The following XRCC6 variants were observed in gnomAD, a reference collection of about 807,000 sequenced individuals.
XRCC6 encodes X-ray repair cross complementing 6, also known as DNA repair protein Ku70.
In XRCC6, 5 loss-of-function variants were observed where a neutral mutation model predicts 65.7. The observed-to-expected ratio is 0.08, with a 90% CI of 0.04 to 0.16. The LOEUF (loss-of-function observed/expected upper bound fraction) is 0.16. XRCC6 is among the 10% of genes least tolerant of loss of function. The probability of loss-of-function intolerance (pLI) is 1.00; values close to 1 mark genes in which losing one functional copy is unlikely to be tolerated. For synonymous variants in XRCC6, 270 were observed against 270.6 expected (o/e 1.00, Z 0.02); for missense variants, 447 against 738.1 (o/e 0.61, Z 4.57).
intron 6 of XRCC6, 36 bp from the exon 7 acceptor site, chr22:41,646,860 T>TA: frequency 6.5e-7 from 1 of 1,537,506 alleles, no homozygotes; most frequent in Non-Finnish European, 8.8e-7. Context: ...AAGTGCAGTT[T>TA]TTCAGTTCAT....
intron 9 of XRCC6, 28 bp downstream of exon 9, chr22:41,653,718 T>A (rs2068021353): frequency 2.5e-6 from 4 of 1,607,486 alleles, no homozygotes; most frequent in Non-Finnish European, 3.4e-6. Flanking sequence ...TTCCAGGGCT[T>A]CTGAACCTTG....
At chr22:41,627,894 T>C (rs953053921) in intron 2 of XRCC6, among the ~76,000 whole-genome samples, 2 of 151,740 alleles carry the variant, frequency 1.3e-5, no homozygotes, top group Non-Finnish European at 2.9e-5. Context: ...AGTCAGGATA[T>C]TGACTTTTTT....
chr22:41,628,306 C>T (rs1219110338), intron 3 of XRCC6, 76 bp downstream of exon 3: 2 of 1,286,368 alleles, frequency 1.6e-6, no homozygotes, highest in Non-Finnish European at 1.1e-6. Flanking sequence ...TGCCTGTAAT[C>T]TCAGGACATT....
At chr22:41,657,200 T>TA (rs1341806624) in intron 10 of XRCC6, among the ~76,000 whole-genome samples, 168 bp downstream of exon 10, 1 of 152,208 alleles carries the variant, frequency 6.6e-6, no homozygotes, top group African/African-American at 2.4e-5. Context: ...AACCTTTTAT[T>TA]ATGTTGGAGA....
intron 11 of XRCC6, 123 bp downstream of exon 11, chr22:41,658,475 C>T: frequency 2.2e-6 from 2 of 897,382 alleles, no homozygotes; most frequent in Non-Finnish European, 3.5e-6. Context: ...CCCCAGACCC[C>T]CTCTGTTTGG....
rs1218396338 is a variant in XRCC6 at position 41,628,143 on chromosome 22, T to G, written c.108T>G (p.Asp36Glu). The G allele has an allele frequency of 1.9e-6, 3 of 1,613,414 alleles. No homozygotes were observed. The highest frequency in any genetic ancestry group is 2.5e-6 in the Non-Finnish European group (3 of 1,179,628). ...GAGACTATAAATATTCAGGAAGAGA[T>G]AGTTTGATTTTTTTGGTTGATGCCT... is the stretch of plus-strand genomic sequence containing the variant. ...ASGDYKYSGR[D>E]SLIFLVDASK... Residue 36 changes from aspartate to glutamate, a missense_variant, in exon 3 of 13, where the codon GAT becomes GAG. Coordinates refer to ENST00000360079, the MANE Select transcript of XRCC6 (RefSeq NM_001469.5).
At chr22:41,657,674 CACACCTGGCTAATTTTTGTATTTTTT>C (rs1260415185) in intron 10 of XRCC6, among the ~76,000 whole-genome samples, 1 of 151,870 alleles carries the variant, frequency 6.6e-6, no homozygotes, top group Non-Finnish European at 1.5e-5. Context: ...CTTGCACCAC[CACACCTGGCTAATTTTTGTATTTTTT>C]GTAGGGACGG....
chr22:41,662,842 G>A (rs132786), intron 12 of XRCC6, among the ~76,000 whole-genome samples: 106,394 of 151,918 alleles, frequency 0.7, 38,896 homozygotes, highest in East Asian at 0.92. Context: ...CAGCACTTTG[G>A]GAGCCTGAGG....
chr22:41,635,696 G>A (rs1682968744), intron 3 of XRCC6, among the ~76,000 whole-genome samples: 1 of 120,378 alleles, frequency 8.3e-6, no homozygotes, highest in African/African-American at 2.8e-5. Flanking sequence ...GCCATGCCCA[G>A]CTAATTTTTT....
intron 7 of XRCC6, among the ~76,000 whole-genome samples, chr22:41,647,773 A>G (rs901239896): frequency 2.8e-4 from 43 of 151,944 alleles, no homozygotes; most frequent in Admixed American, 1.4e-3. Context: ...AGGTCTCACT[A>G]TGTTGCTCAG....
chr22:41,636,289 T>C (rs1459725735), intron 4 of XRCC6, 38 bp downstream of exon 4: 4 of 1,559,936 alleles, frequency 2.6e-6, no homozygotes, highest in Non-Finnish European at 3.5e-6. Flanking sequence ...CCCTTATATA[T>C]GAGAATATCA....
Position 41,663,891 on chromosome 22 carries a change from T to C in XRCC6, c.*76T>C. ...GCCTTGTCCTCAGCCAGTTAAAATGTGTTTCTCCTGAGCTAGGAAGAGTCT... is the reference window on the plus strand; with the variant it reads ...GCCTTGTCCTCAGCCAGTTAAAATGCGTTTCTCCTGAGCTAGGAAGAGTCT... On this transcript the variant is annotated 3_prime_UTR_variant, in exon 13 of 13. Coordinates refer to ENST00000360079, the MANE Select transcript of XRCC6 (RefSeq NM_001469.5). 1 of 1,496,110 alleles carries C rather than the reference T, an allele frequency of 6.7e-7. No individual in the cohort carries two copies. The highest frequency in any genetic ancestry group is 9.1e-7 in the Non-Finnish European group (1 of 1,102,136). 92.7% of individuals were successfully genotyped at this position (1,496,110 alleles called of 1,614,324 possible). A position where few individuals can be genotyped will look rare whatever the true frequency, so the allele number is the denominator to read the frequency against.
At chr22:41,652,303 T>C (rs2147107984) in intron 8 of XRCC6, among the ~76,000 whole-genome samples, 1 of 152,236 alleles carries the variant, frequency 6.6e-6, no homozygotes, top group East Asian at 1.9e-4. Context: ...TGGTTTTCAT[T>C]AGTAACTGGG....
In XRCC6 at chr22:41,631,036, C is replaced by T. The variant is rs532617836; in HGVS notation, c.195+2806C>T. 2.5e-3 allele frequency among the ~76,000 whole-genome samples: 386 copies of T among 151,796 alleles called. 2 individuals carry two copies. Among genetic ancestry groups the T allele is most frequent in the African/African-American group, 7.5e-3 (309 of 41,376 alleles). On this transcript the variant is annotated intron_variant, in intron 3 of 12. Transcript: ENST00000360079. ...GGGGCTCCTCACTTCCCAGTAGGGG[C>T]GGCCGGGCAGAGGCGCCCCTCACCT...
intron 3 of XRCC6, among the ~76,000 whole-genome samples, chr22:41,631,344 G>A (rs1417129839): frequency 2.6e-5 from 4 of 151,308 alleles, no homozygotes; most frequent in African/African-American, 4.9e-5. Flanking sequence ...GGTGGCTGCC[G>A]GGCGGAGGGG....
intron 8 of XRCC6, among the ~76,000 whole-genome samples, chr22:41,652,028 C>T (rs2147107588): frequency 6.6e-6 from 1 of 152,300 alleles, no homozygotes; most frequent in South Asian, 2.1e-4. Flanking sequence ...AGGTGATTCA[C>T]CCGCCTCGGC....
At chr22:41,662,393 C>T (rs77340561) in intron 12 of XRCC6, among the ~76,000 whole-genome samples, 86 of 152,276 alleles carry the variant, frequency 5.6e-4, no homozygotes, top group African/African-American at 2.0e-3. Flanking sequence ...AAAGAACTGT[C>T]TATACAACCA....
chr22:41,638,040 A>T (rs2067828541), intron 6 of XRCC6, among the ~76,000 whole-genome samples: 1 of 151,796 alleles, frequency 6.6e-6, no homozygotes, highest in Non-Finnish European at 1.5e-5. Context: ...CATTGCTCTG[A>T]CCTGACTGGC....
intron 2 of XRCC6, among the ~76,000 whole-genome samples, chr22:41,626,771 G>A (rs930101633): frequency 1.3e-5 from 2 of 151,918 alleles, no homozygotes; most frequent in South Asian, 4.2e-4. Flanking sequence ...CCGAGTAGCT[G>A]GGACTGCAGG....
Sources: allele counts gnomAD v4.1 joint callset (sites outside exome capture counted in the v4.1 genomes callset), GRCh38; gene constraint gnomAD v4.1.1; transcripts MANE v1.5; gene names NCBI Gene and HGNC (gene_info 2026-07-23, HGNC 2026-07-21).